SERGEF: variants seen among roughly 807,000 people sequenced by gnomAD.
SERGEF encodes the protein secretion regulating guanine nucleotide exchange factor, also known as secretion-regulating guanine nucleotide exchange factor.
Under a neutral mutation model 50.0 loss-of-function variants are expected in SERGEF, and 51 were observed. That is an observed-to-expected ratio of 1.02 (90% CI 0.81 to 1.29). The LOEUF is 1.29. SERGEF is among the 50% of genes most tolerant of loss of function. The probability of loss-of-function intolerance (pLI) is 0.00; values close to 1 mark genes in which losing one functional copy is unlikely to be tolerated. For missense variants in SERGEF, 521 were observed against 557.0 expected, an observed-to-expected ratio of 0.94 and a Z score of 0.65; for synonymous variants, 205 against 212.4, an observed-to-expected ratio of 0.97 and a Z score of 0.30.
At position 17,820,769 on chromosome 11, in the gene SERGEF, T is replaced by G. The variant is rs187147431; in HGVS notation, c.1049-32356A>C. On this transcript the variant is annotated intron_variant, in intron 10 of 10. Coordinates refer to ENST00000265965, the MANE Select transcript of SERGEF (RefSeq NM_012139.4). ...GGATTTTGAAATAAGAAGCTTGTCC[T>G]AGATTATCTGAGTGAGCCTAAATGT... Among the ~76,000 whole-genome samples, 19 of 152,302 alleles carry G rather than the reference T, an allele frequency of 1.2e-4. No individual in the cohort carries two copies. The East Asian group carries it at 2.7e-3, about 22-fold the overall frequency.
At chr11:17,845,307 C>A (rs1399487726) in intron 10 of SERGEF, among the ~76,000 whole-genome samples, 3 of 152,196 alleles carry the variant, frequency 2.0e-5, no homozygotes, top group Admixed American at 6.5e-5. Flanking sequence ...ACTCCTTCTT[C>A]TACTCTCAGG....
chr11:17,865,387 CT>C (rs1288022437), intron 10 of SERGEF, among the ~76,000 whole-genome samples: 1 of 152,016 alleles, frequency 6.6e-6, no homozygotes, highest in Non-Finnish European at 1.5e-5. Flanking sequence ...ATTCCTTCTA[CT>C]TATCTTTTTT....
chr11:17,889,136 T>C (rs1438795965), intron 9 of SERGEF, among the ~76,000 whole-genome samples: 1 of 152,340 alleles, frequency 6.6e-6, no homozygotes, highest in East Asian at 1.9e-4. Flanking sequence ...AATTTTGCAA[T>C]CATTAGTTAA....
intron 9 of SERGEF, among the ~76,000 whole-genome samples, chr11:17,920,839 G>T (rs955384877): frequency 6.6e-6 from 1 of 152,198 alleles, no homozygotes; most frequent in South Asian, 2.1e-4. Flanking sequence ...CCAAGAGAAC[G>T]AATGGTTTCA....
At chr11:18,004,723 A>T (rs1009201477) in intron 3 of SERGEF, among the ~76,000 whole-genome samples, 188 bp from the exon 4 acceptor site, 5 of 152,184 alleles carry the variant, frequency 3.3e-5, no homozygotes, top group African/African-American at 1.2e-4. Context: ...CTCTACACAG[A>T]TTGTCTATTC....
chr11:17,922,011 C>A (rs1395371236), intron 9 of SERGEF, among the ~76,000 whole-genome samples: 1 of 152,120 alleles, frequency 6.6e-6, no homozygotes, highest in Non-Finnish European at 1.5e-5. Context: ...TCTCAAGCCC[C>A]AGCCACCACC....
At chr11:17,857,633 T>C (rs988960865) in intron 10 of SERGEF, among the ~76,000 whole-genome samples, 1 of 152,212 alleles carries the variant, frequency 6.6e-6, no homozygotes, top group East Asian at 1.9e-4. Context: ...GCTGCCCGAA[T>C]AAAATGAACA....
chr11:17,993,857 G>A (rs766622907), intron 6 of SERGEF, among the ~76,000 whole-genome samples: 47 of 152,230 alleles, frequency 3.1e-4, no homozygotes, highest in Non-Finnish European at 6.3e-4. Flanking sequence ...GTGAGAACGG[G>A]AGGACGAAAA....
intron 9 of SERGEF, among the ~76,000 whole-genome samples, chr11:17,900,133 A>G (rs1238749820): frequency 1.3e-5 from 2 of 152,206 alleles, no homozygotes; most frequent in Admixed American, 1.3e-4. Context: ...ACCAAGGGGC[A>G]GTACACATAG....
chr11:17,842,739 C>T (rs1850527865), intron 10 of SERGEF, among the ~76,000 whole-genome samples: 1 of 152,180 alleles, frequency 6.6e-6, no homozygotes, highest in African/African-American at 2.4e-5. Context: ...GCTGTTATTT[C>T]TGTGGTGCTG....
chr11:17,982,598 T>C (rs1853515660), intron 8 of SERGEF, among the ~76,000 whole-genome samples: 1 of 152,140 alleles, frequency 6.6e-6, no homozygotes, highest in South Asian at 2.1e-4. Flanking sequence ...CCAAAGAAGA[T>C]GGAGTAATGT....
At chr11:17,843,215 GA>G (rs752679567) in intron 10 of SERGEF, among the ~76,000 whole-genome samples, 2 of 152,062 alleles carry the variant, frequency 1.3e-5, no homozygotes, top group Non-Finnish European at 2.9e-5. Context: ...AGGAAGCCAG[GA>G]GATGACAATG....
At chr11:17,801,455 T>A (rs1849669055) in intron 10 of SERGEF, among the ~76,000 whole-genome samples, 1 of 152,120 alleles carries the variant, frequency 6.6e-6, no homozygotes. Context: ...CTGGTAGCAG[T>A]GGGGACGGAG....
chr11:18,006,473 G>C, intron 3 of SERGEF, 118 bp downstream of exon 3: 1 of 1,011,264 alleles, frequency 9.9e-7, no homozygotes, highest in Non-Finnish European at 1.5e-6. Context: ...ACCGCACCAG[G>C]CCTTATGTGT....
At chr11:17,954,566 T>C (rs1852828624) in intron 9 of SERGEF, among the ~76,000 whole-genome samples, 1 of 152,226 alleles carries the variant, frequency 6.6e-6, no homozygotes, top group Admixed American at 6.5e-5. Flanking sequence ...TGTGCACAGG[T>C]TGATCCTTTA....
intron 10 of SERGEF, among the ~76,000 whole-genome samples, chr11:17,866,115 CA>C (rs1851017845): frequency 6.6e-6 from 1 of 152,218 alleles, no homozygotes; most frequent in South Asian, 2.1e-4. Context: ...CCCTGTCTGG[CA>C]AACAGCTCAA....
intron 5 of SERGEF, among the ~76,000 whole-genome samples, chr11:17,998,126 T>C (rs2679116): frequency 0.5 from 75,823 of 151,754 alleles, 19,903 homozygotes; most frequent in African/African-American, 0.67. Context: ...GTAGACCTCA[T>C]TCAGGCTGGG....
chr11:17,950,277 G>A (rs1852750809), intron 9 of SERGEF, among the ~76,000 whole-genome samples: 1 of 152,182 alleles, frequency 6.6e-6, no homozygotes, highest in Admixed American at 6.5e-5. Context: ...ACACTCTAAT[G>A]ACTCCATTCT....
intron 8 of SERGEF, among the ~76,000 whole-genome samples, chr11:17,968,256 C>A (rs1853169407): frequency 6.6e-6 from 1 of 152,152 alleles, no homozygotes; most frequent in East Asian, 1.9e-4. Context: ...AACCTACTCT[C>A]CAAAGAGAAA....
Sources: allele counts gnomAD v4.1 joint callset (sites outside exome capture counted in the v4.1 genomes callset), GRCh38; gene constraint gnomAD v4.1.1; transcripts MANE v1.5; gene names NCBI Gene and HGNC (gene_info 2026-07-23, HGNC 2026-07-21).